Variants in CERKL observed in about 807,000 individuals in gnomAD.
CERKL encodes the protein ceramide kinase-like protein.
In CERKL, 61 loss-of-function variants were observed where a neutral mutation model predicts 63.4. The observed-to-expected ratio is 0.96, with a 90% CI of 0.78 to 1.19. The LOEUF (loss-of-function observed/expected upper bound fraction) is 1.19. Among genes scored for constraint, CERKL ranks in the 50% most tolerant of loss-of-function variants. The probability of loss-of-function intolerance (pLI) is 0.00; values close to 1 mark genes in which losing one functional copy is unlikely to be tolerated. For synonymous variants in CERKL, 250 were observed against 230.5 expected (o/e 1.08, Z -0.77); for missense variants, 675 against 655.5 (o/e 1.03, Z -0.33).
At chr2:181,544,863 T>C in intron 10 of CERKL, 67 bp from the exon 11 acceptor site, 1 of 876,844 alleles carries the variant, frequency 1.1e-6, no homozygotes, top group Admixed American at 2.0e-5. Context: ...AATTATGACA[T>C]ACTGTTCCTT....
intron 1 of CERKL, among the ~76,000 whole-genome samples, chr2:181,639,626 C>T (rs1553522093): frequency 6.6e-6 from 1 of 152,140 alleles, no homozygotes; most frequent in Non-Finnish European, 1.5e-5. Context: ...TGCTTTACTA[C>T]CACCAACTCA....
chr2:181,541,297 A>G (rs1687493214), intron 11 of CERKL, among the ~76,000 whole-genome samples: 1 of 152,164 alleles, frequency 6.6e-6, no homozygotes. Flanking sequence ...CCAGAGAGAG[A>G]AGACTCAGGA....
At position 181,656,707 on chromosome 2, in the gene CERKL, T is replaced by A. The variant is rs562436629; in HGVS notation, c.238+62A>T. On this transcript the variant is annotated intron_variant, in intron 1 of 12. Transcript: ENST00000410087. ...GAGCAAAAGCTCGTGGGTGTAGGCC[T>A]TGGGCCGGGGAGAGGGAGGAAGCGC... 23 of 1,399,868 alleles carry A rather than the reference T, an allele frequency of 1.6e-5. 1 individual carries two copies. In the South Asian group the frequency reaches 2.4e-4, roughly 15 times the overall value. The allele number at this position is 1,399,868 out of a possible 1,614,324, so 86.7% of individuals were successfully genotyped here. A position where few individuals can be genotyped will look rare whatever the true frequency, so the allele number is the denominator to read the frequency against.
intron 10 of CERKL, among the ~76,000 whole-genome samples, chr2:181,546,654 C>G (rs1687737753): frequency 6.6e-6 from 1 of 152,124 alleles, no homozygotes; most frequent in Admixed American, 6.6e-5. Context: ...CTCCTACACT[C>G]TACAGGATTG....
At chr2:181,594,013 T>C (rs1685092108) in intron 2 of CERKL, among the ~76,000 whole-genome samples, 1 of 152,102 alleles carries the variant, frequency 6.6e-6, no homozygotes. Context: ...GATTAAAAAA[T>C]ATTGACCACA....
chr2:181,593,279 T>C (rs938719575), intron 2 of CERKL, among the ~76,000 whole-genome samples: 15 of 152,086 alleles, frequency 9.9e-5, no homozygotes, highest in Non-Finnish European at 1.3e-4. Flanking sequence ...AAGAGATAAA[T>C]AGAGGACCCA....
chr2:181,609,850 T>C (rs1216236247), intron 1 of CERKL, among the ~76,000 whole-genome samples: 3 of 152,128 alleles, frequency 2.0e-5, no homozygotes, highest in African/African-American at 7.2e-5. Context: ...ACTGATGTGA[T>C]AATGGTGGCA....
intron 1 of CERKL, among the ~76,000 whole-genome samples, chr2:181,656,066 T>C (rs1184922623): frequency 6.6e-6 from 1 of 152,238 alleles, no homozygotes; most frequent in Non-Finnish European, 1.5e-5. Context: ...TTATAACTTT[T>C]TTAGGTAACT....
intron 10 of CERKL, 151 bp from the exon 11 acceptor site, chr2:181,544,947 A>T (rs994598923): frequency 3.7e-6 from 2 of 535,574 alleles, no homozygotes; most frequent in Non-Finnish European, 6.6e-6. Context: ...CCTAAAATTC[A>T]TAAACCGTAT....
intron 1 of CERKL, among the ~76,000 whole-genome samples, chr2:181,624,842 A>G (rs573848311): frequency 6.6e-6 from 1 of 152,338 alleles, no homozygotes; most frequent in South Asian, 2.1e-4. Context: ...GGAGGTACAT[A>G]TTTAGAGGCT....
chr2:181,638,750 G>C lies in CERKL; in HGVS notation c.238+18019C>G, dbSNP rs114075250. Among the ~76,000 whole-genome samples the C allele has an allele frequency of 5.8e-3, 883 of 152,292 alleles. 9 individuals are homozygous for C. The highest frequency in any genetic ancestry group is 0.02 in the African/African-American group (852 of 41,562). On this transcript the variant is annotated intron_variant, in intron 1 of 12. Coordinates refer to ENST00000410087, the MANE Select transcript of CERKL (RefSeq NM_201548.5). ...GCCCACAGCCTGTGACAGCACAGCT[G>C]AAGTTTGGCCACTTTTGCCCAAGGC...
At chr2:181,640,760 T>C (rs1294295295) in intron 1 of CERKL, among the ~76,000 whole-genome samples, 1 of 152,234 alleles carries the variant, frequency 6.6e-6, no homozygotes, top group East Asian at 1.9e-4. Flanking sequence ...ATTTCTGCAA[T>C]TCACTTCAGA....
At chr2:181,567,575 A>G (rs917171537) in intron 3 of CERKL, among the ~76,000 whole-genome samples, 5 of 152,150 alleles carry the variant, frequency 3.3e-5, no homozygotes, top group Non-Finnish European at 5.9e-5. Context: ...TAACATTGCA[A>G]AAGTCCAATA....
At chr2:181,549,541 CCTTTT>C (rs1687893948) in intron 6 of CERKL, 88 bp downstream of exon 6, 5 of 1,005,734 alleles carry the variant, frequency 5.0e-6, no homozygotes, top group Non-Finnish European at 7.9e-6. Flanking sequence ...AAAGAACCTG[CCTTTT>C]CTTAAAGTCT....
chr2:181,546,304 G>T (rs2105799554), intron 10 of CERKL, among the ~76,000 whole-genome samples: 1 of 152,268 alleles, frequency 6.6e-6, no homozygotes, highest in East Asian at 1.9e-4. Flanking sequence ...CTCCCAAGAA[G>T]GTCCTTAAAC....
intron 1 of CERKL, among the ~76,000 whole-genome samples, chr2:181,636,161 T>C (rs1282598741): frequency 1.3e-5 from 2 of 152,202 alleles, no homozygotes; most frequent in Non-Finnish European, 2.9e-5. Flanking sequence ...GCACATTTGA[T>C]GCTAAGATTT....
rs1218078333 is a variant in CERKL, at chr2:181,538,437, TTAAC to T, written c.1539-197_1539-194del. 2.0e-5 allele frequency among the ~76,000 whole-genome samples: 3 copies of T among 152,234 alleles called. 1 individual carries two copies. In the South Asian group the frequency reaches 6.2e-4, roughly 32 times the overall value. On this transcript the variant is annotated intron_variant, in intron 12 of 12. Coordinates refer to ENST00000410087, the MANE Select transcript of CERKL (RefSeq NM_201548.5). ...CAACAATAATTGCTCTAAAACCTCC[TTAAC>T]TGACTTCCTTGATTGTCCAATGCTC...
intron 1 of CERKL, among the ~76,000 whole-genome samples, chr2:181,611,104 C>A (rs1454748903): frequency 1.3e-5 from 2 of 151,922 alleles, no homozygotes; most frequent in South Asian, 2.1e-4. Context: ...GCACCTGTAA[C>A]CCCAGCTACT....
At chr2:181,618,256 C>T (rs960389805) in intron 1 of CERKL, among the ~76,000 whole-genome samples, 11 of 115,054 alleles carry the variant, frequency 9.6e-5, no homozygotes, top group African/African-American at 4.2e-4. Flanking sequence ...ACCCCTTAAA[C>T]TTACACAATA....
Sources: allele counts gnomAD v4.1 joint callset (sites outside exome capture counted in the v4.1 genomes callset), GRCh38; gene constraint gnomAD v4.1.1; transcripts MANE v1.5; gene names NCBI Gene and HGNC (gene_info 2026-07-23, HGNC 2026-07-21).